Variants in RASAL2 observed in about 807,000 individuals in gnomAD.
RASAL2 encodes RAS protein activator like 2.
Under a neutral mutation model 128.9 loss-of-function variants are expected in RASAL2, and 58 were observed. That is an observed-to-expected ratio of 0.45 (90% CI 0.36 to 0.56). The LOEUF is 0.56. RASAL2 is among the 20% of genes least tolerant of loss of function. The pLI is 0.00. For synonymous variants in RASAL2, 561 were observed against 580.8 expected, an observed-to-expected ratio of 0.97 and a Z score of 0.49; for missense variants, 1,360 against 1,601.6, an observed-to-expected ratio of 0.85 and a Z score of 2.57.
chr1:178,208,969 A>G (rs1663160516), intron 1 of RASAL2, among the ~76,000 whole-genome samples: 1 of 152,090 alleles, frequency 6.6e-6, no homozygotes, highest in Non-Finnish European at 1.5e-5. Flanking sequence ...TGATAAAATC[A>G]GGGAAAAAAG....
At chr1:178,173,134 T>C (rs1661762506) in intron 1 of RASAL2, among the ~76,000 whole-genome samples, 1 of 152,060 alleles carries the variant, frequency 6.6e-6, no homozygotes, top group Non-Finnish European at 1.5e-5. Flanking sequence ...CTCCCCAGTG[T>C]TGTGGGGAGG....
intron 11 of RASAL2, 66 bp from the exon 12 acceptor site, chr1:178,454,381 G>A (rs1677616665): frequency 7.3e-7 from 1 of 1,360,668 alleles, no homozygotes; most frequent in Non-Finnish European, 1.0e-6. Flanking sequence ...TCTGTGTAAT[G>A]TCAAATCAAA....
chr1:178,171,385 G>A (rs977602241), intron 1 of RASAL2, among the ~76,000 whole-genome samples: 2 of 151,814 alleles, frequency 1.3e-5, no homozygotes, highest in Admixed American at 6.6e-5. Context: ...TATATATTCC[G>A]AGTAGCTTTC....
intron 1 of RASAL2, among the ~76,000 whole-genome samples, chr1:178,110,225 A>G (rs1659245951): frequency 6.6e-6 from 1 of 151,978 alleles, no homozygotes; most frequent in African/African-American, 2.4e-5. Context: ...ACAGCTACTA[A>G]TCTGCTTTCT....
intron 15 of RASAL2, among the ~76,000 whole-genome samples, chr1:178,465,693 A>G (rs750951671): frequency 3.3e-5 from 5 of 152,150 alleles, no homozygotes; most frequent in African/African-American, 7.2e-5. Context: ...AAGGAAGGCA[A>G]TGCTCCATTA....
intron 1 of RASAL2, among the ~76,000 whole-genome samples, chr1:178,183,584 A>G (rs780046083): frequency 1.3e-5 from 2 of 152,220 alleles, no homozygotes; most frequent in Non-Finnish European, 2.9e-5. Context: ...TTAAAATCAT[A>G]GAGTATGTAG....
At chr1:178,459,386 T>C (rs1412201211) in intron 14 of RASAL2, among the ~76,000 whole-genome samples, 1 of 151,936 alleles carries the variant, frequency 6.6e-6, no homozygotes, top group African/African-American at 2.4e-5. Context: ...TTATATATCT[T>C]TCATCTAAAA....
rs183573378 is a variant in RASAL2, at chr1:178,244,520, C to T, written c.203-39044C>T. 5.5e-3 allele frequency among the ~76,000 whole-genome samples: 844 copies of T among 152,244 alleles called. 11 individuals are homozygous for T. The highest frequency in any genetic ancestry group is 0.019 in the African/African-American group (789 of 41,556). On this transcript the variant is annotated intron_variant, in intron 1 of 17. Transcript: ENST00000367649. The stretch of plus-strand genomic sequence containing the variant: ...CCTCCCAAAGTGCTGGGATTACAGG[C>T]GTGAGCCACTGTGCCCAGCCTATTT...
intron 1 of RASAL2, among the ~76,000 whole-genome samples, chr1:178,101,201 A>C (rs1658883490): frequency 6.6e-6 from 1 of 152,218 alleles, no homozygotes; most frequent in African/African-American, 2.4e-5. Context: ...AGTAAACAAA[A>C]GAAATAAAAA....
At chr1:178,434,378 T>G (rs1676119984) in intron 5 of RASAL2, among the ~76,000 whole-genome samples, 1 of 152,140 alleles carries the variant, frequency 6.6e-6, no homozygotes, top group Non-Finnish European at 1.5e-5. Flanking sequence ...ATGTACCAAG[T>G]ACAAAGTAGG....
intron 3 of RASAL2, chr1:178,389,413 A>C: frequency 6.4e-6 from 2 of 311,012 alleles, no homozygotes; most frequent in Non-Finnish European, 9.4e-6. Flanking sequence ...ATGTAGCCTT[A>C]ATACAGTATA....
chr1:178,442,634 C>CA, intron 7 of RASAL2, 41 bp from the exon 8 acceptor site: 1 of 1,519,890 alleles, frequency 6.6e-7, no homozygotes, highest in Non-Finnish European at 8.8e-7. Context: ...TTTTTTTCTG[C>CA]AATGTCAGCT....
At chr1:178,096,700 T>A (rs1295765137) in intron 1 of RASAL2, among the ~76,000 whole-genome samples, 2 of 151,954 alleles carry the variant, frequency 1.3e-5, no homozygotes, top group African/African-American at 4.8e-5. Flanking sequence ...TGCCTTGCAT[T>A]TTTGTGACCA....
At chr1:178,231,938 G>C (rs1664025661) in intron 1 of RASAL2, among the ~76,000 whole-genome samples, 1 of 152,170 alleles carries the variant, frequency 6.6e-6, no homozygotes, top group South Asian at 2.1e-4. Flanking sequence ...ATTGGTTGAT[G>C]ATAATAGTGA....
At chr1:178,187,530 T>G (rs1319484861) in intron 1 of RASAL2, among the ~76,000 whole-genome samples, 2 of 152,164 alleles carry the variant, frequency 1.3e-5, no homozygotes, top group African/African-American at 2.4e-5. Flanking sequence ...CTGGTTGAAG[T>G]TCACAAAAGG....
At chr1:178,111,524 G>T (rs1458197571) in intron 1 of RASAL2, among the ~76,000 whole-genome samples, 1 of 151,888 alleles carries the variant, frequency 6.6e-6, no homozygotes, top group Non-Finnish European at 1.5e-5. Context: ...GTGTACGTAG[G>T]TTCCATTTCC....
intron 1 of RASAL2, among the ~76,000 whole-genome samples, chr1:178,130,837 G>A (rs1252516463): frequency 2.0e-5 from 3 of 152,042 alleles, no homozygotes; most frequent in Non-Finnish European, 4.4e-5. Flanking sequence ...GGCGGATCAC[G>A]AGGTCAGGAG....
At chr1:178,310,053 A>G (rs1447631046) in intron 3 of RASAL2, among the ~76,000 whole-genome samples, 2 of 152,204 alleles carry the variant, frequency 1.3e-5, no homozygotes, top group Admixed American at 6.6e-5. Context: ...TTTATTACAG[A>G]TGAAATTTGT....
At chr1:178,338,343 T>C (rs1669698300) in intron 3 of RASAL2, among the ~76,000 whole-genome samples, 1 of 151,852 alleles carries the variant, frequency 6.6e-6, no homozygotes, top group South Asian at 2.1e-4. Context: ...TTGGTCAGGC[T>C]AGTCTCGAAC....
Sources: gnomAD v4.1 joint callset for allele counts (sites outside exome capture counted in the v4.1 genomes callset) on GRCh38, gnomAD v4.1.1 for gene constraint, MANE v1.5 for transcripts, NCBI Gene and HGNC (gene_info 2026-07-23, HGNC 2026-07-21) for gene names.